The following CYP2C18 variants were observed in gnomAD, a reference collection of about 807,000 sequenced individuals.
CYP2C18 encodes cytochrome P450 family 2 subfamily C member 18, also known as cytochrome P450 2C18.
In CYP2C18, 38 loss-of-function variants were observed where a neutral mutation model predicts 41.3. That is an observed-to-expected ratio of 0.92 (90% CI 0.71 to 1.21). The LOEUF (loss-of-function observed/expected upper bound fraction) is 1.21, where lower values mean the gene tolerates loss of function less well. CYP2C18 is among the 50% of genes most tolerant of loss of function. The pLI, the probability that CYP2C18 is intolerant of heterozygous loss-of-function variation, is 0.00. For missense variants in CYP2C18, 635 were observed against 591.4 expected, an observed-to-expected ratio of 1.07 and a Z score of -0.77; for synonymous variants, 236 against 210.0, an observed-to-expected ratio of 1.12 and a Z score of -1.07.
chr10:94,685,792 A>C (rs1299922456), intron 1 of CYP2C18, among the ~76,000 whole-genome samples: 2 of 152,106 alleles, frequency 1.3e-5, no homozygotes, highest in Non-Finnish European at 2.9e-5. Flanking sequence ...TTTGCTTACT[A>C]TAGCTTTGTA....
At chr10:94,711,186 T>G (rs1847429360) in intron 5 of CYP2C18, among the ~76,000 whole-genome samples, 1 of 152,212 alleles carries the variant, frequency 6.6e-6, no homozygotes, top group Non-Finnish European at 1.5e-5. Flanking sequence ...ACTCTCTGTC[T>G]TCATGTCTGT....
chr10:94,687,721 A>G, intron 1 of CYP2C18, 49 bp from the exon 2 acceptor site: 2 of 1,523,118 alleles, frequency 1.3e-6, no homozygotes, highest in Non-Finnish European at 1.8e-6. Context: ...CAATATATAG[A>G]CCAAATACTG....
At chr10:94,704,728 T>A (rs1847306998) in intron 4 of CYP2C18, among the ~76,000 whole-genome samples, 1 of 152,200 alleles carries the variant, frequency 6.6e-6, no homozygotes, top group Non-Finnish European at 1.5e-5. Flanking sequence ...GGCATGTTGA[T>A]AACTTTCTAA....
chr10:94,720,033 A>G (rs1589804122), intron 5 of CYP2C18, among the ~76,000 whole-genome samples: 1 of 152,122 alleles, frequency 6.6e-6, no homozygotes, highest in East Asian at 1.9e-4. Context: ...TTAAATATTC[A>G]TGTTCCAAGG....
chr10:94,717,083 G>T (rs1225289499), intron 5 of CYP2C18, among the ~76,000 whole-genome samples: 2 of 151,986 alleles, frequency 1.3e-5, no homozygotes, highest in Non-Finnish European at 2.9e-5. Flanking sequence ...GTCTCTGTAT[G>T]TGAGACAGGT....
rs554247698 is a variant in CYP2C18 at position 94,713,935 on chromosome 10, G to A, written c.820-6461G>A. 6.6e-5 allele frequency among the ~76,000 whole-genome samples: 10 copies of A among 152,318 alleles called. No homozygotes were observed. In the East Asian group the frequency reaches 1.7e-3, roughly 26 times the overall value. On this transcript the variant is annotated intron_variant, in intron 5 of 8. Coordinates refer to ENST00000285979, the MANE Select transcript of CYP2C18 (RefSeq NM_000772.3). ...TTGCATTTCTCTGATGACCAGTGAT[G>A]ATGAACATTTTTTCATGTGTCTGTT...
At chr10:94,709,927 A>C (rs1324733439) in intron 5 of CYP2C18, among the ~76,000 whole-genome samples, 1 of 152,116 alleles carries the variant, frequency 6.6e-6, no homozygotes, top group Non-Finnish European at 1.5e-5. Flanking sequence ...ATTTATTTTT[A>C]GACTCTAAAT....
chr10:94,735,502 G>A lies in CYP2C18; in HGVS notation c.*58G>A. 1 of 1,532,150 alleles carries A rather than the reference G, an allele frequency of 6.5e-7. No homozygotes were observed. The highest frequency in any genetic ancestry group is 1.1e-5 in the South Asian group (1 of 88,820). The allele number at this position is 1,532,150 out of a possible 1,614,324, so 94.9% of individuals were successfully genotyped here. ...GTCACCTGCAATTCTCCCTTATCAG[G>A]GCCATTGGCCTCTCCCTTCTCTCTG... On this transcript the variant is annotated 3_prime_UTR_variant, in exon 9 of 9. Transcript: ENST00000285979.
At position 94,724,375 on chromosome 10, in the gene CYP2C18, G is replaced by A. The variant is rs1233870451; in HGVS notation, c.991G>A (p.Val331Ile). Reference sequence around the variant, plus strand: ...AGTCCAGGAAGAGATTGAATGTGTAGTTGGCAGAAACCGGAGCCCCTGTAT... The same window carrying A: ...AGTCCAGGAAGAGATTGAATGTGTAATTGGCAGAAACCGGAGCCCCTGTAT... ...AKVQEEIECVVGRNRSPCMQD... is the reference protein window; with the variant it reads ...AKVQEEIECVIGRNRSPCMQD... The change falls in exon 7 of 9, where the codon GTT (valine) becomes ATT (isoleucine). Residue 331 changes from valine to isoleucine, a missense_variant. By Grantham distance (29) the Val-to-Ile change is conservative. Transcript: ENST00000285979. 6.2e-7 allele frequency: 1 copy of A among 1,613,404 alleles called. No individual in the cohort carries two copies. The highest frequency in any genetic ancestry group is 8.5e-7 in the Non-Finnish European group (1 of 1,179,606).
intron 4 of CYP2C18, among the ~76,000 whole-genome samples, chr10:94,705,948 C>A (rs1159725904): frequency 6.6e-6 from 1 of 152,138 alleles, no homozygotes; most frequent in Non-Finnish European, 1.5e-5. Flanking sequence ...CAATGGAAAT[C>A]CAAGTCCCTT....
intron 3 of CYP2C18, among the ~76,000 whole-genome samples, chr10:94,691,065 C>A (rs1433807161): frequency 6.6e-6 from 1 of 152,162 alleles, no homozygotes; most frequent in Non-Finnish European, 1.5e-5. Flanking sequence ...CAGCCAATAT[C>A]ATACTGAATG....
chr10:94,708,847 C>A (rs1387113166), intron 5 of CYP2C18, among the ~76,000 whole-genome samples: 1 of 152,208 alleles, frequency 6.6e-6, no homozygotes, highest in Non-Finnish European at 1.5e-5. Context: ...CTTTGTTTGT[C>A]TGACTTCTGT....
At chr10:94,726,105 G>T (rs751975026) in intron 7 of CYP2C18, among the ~76,000 whole-genome samples, 22 of 152,008 alleles carry the variant, frequency 1.4e-4, no homozygotes, top group Non-Finnish European at 2.8e-4. Context: ...TCCAGAAAGG[G>T]TTCATCCCTC....
intron 7 of CYP2C18, among the ~76,000 whole-genome samples, chr10:94,728,998 G>T (rs1847788123): frequency 6.6e-6 from 1 of 152,082 alleles, no homozygotes; most frequent in African/African-American, 2.4e-5. Flanking sequence ...GATACTGAAG[G>T]TGACATCAAG....
chr10:94,684,914 G>A (rs1356421825), intron 1 of CYP2C18, among the ~76,000 whole-genome samples: 1 of 151,682 alleles, frequency 6.6e-6, no homozygotes, highest in Non-Finnish European at 1.5e-5. Context: ...ATCTCATTGT[G>A]GTTTTAATTT....
intron 5 of CYP2C18, among the ~76,000 whole-genome samples, chr10:94,716,439 A>C (rs1407682028): frequency 6.6e-6 from 1 of 152,132 alleles, no homozygotes; most frequent in Non-Finnish European, 1.5e-5. Flanking sequence ...TTCATTATGT[A>C]CCCAGTAGTC....
intron 5 of CYP2C18, among the ~76,000 whole-genome samples, chr10:94,719,565 T>G (rs1237018546): frequency 6.6e-6 from 1 of 151,876 alleles, no homozygotes; most frequent in African/African-American, 2.4e-5. Context: ...ATTCACCTGG[T>G]TAATTTTTTG....
In CYP2C18 at chr10:94,724,465, C is replaced by T. The variant is rs1318883946; in HGVS notation, c.1081C>T (p.Leu361Phe). 5 of 1,613,592 alleles carry T rather than the reference C, an allele frequency of 3.1e-6. No homozygotes were observed. Among genetic ancestry groups the T allele is most frequent in the South Asian group, 1.1e-5 (1 of 91,072 alleles). Residue 361 changes from leucine (L) to phenylalanine (F), a missense_variant, in exon 7 of 9, where the codon CTC becomes TTC. Coordinates refer to ENST00000285979, the MANE Select transcript of CYP2C18 (RefSeq NM_000772.3). ...VVHEIQRYIDLLPTNLPHAVT... is the reference protein window; with the variant it reads ...VVHEIQRYIDFLPTNLPHAVT... ...GCACGAGATCCAGAGATACATTGAC[C>T]TCCTCCCCACCAACCTGCCCCATGC...
At chr10:94,685,027 A>C (rs923713229) in intron 1 of CYP2C18, among the ~76,000 whole-genome samples, 18 of 57,556 alleles carry the variant, frequency 3.1e-4, no homozygotes, top group South Asian at 8.1e-4. Context: ...TTGCCCATTT[A>C]ATTAATTAAT....
Sources: allele counts gnomAD v4.1 joint callset (sites outside exome capture counted in the v4.1 genomes callset), GRCh38; gene constraint gnomAD v4.1.1; transcripts MANE v1.5; gene names NCBI Gene and HGNC (gene_info 2026-07-23, HGNC 2026-07-21).